CRLF3: variants seen among roughly 807,000 people sequenced by gnomAD.
The protein encoded by CRLF3 is cytokine receptor like factor 3, also known as cytokine receptor-like factor 3.
In CRLF3, 33 loss-of-function variants were observed where a neutral mutation model predicts 55.0. The observed-to-expected ratio is 0.60, with a 90% CI of 0.46 to 0.80. The LOEUF is 0.80. Ranked by LOEUF, CRLF3 falls within the 30% of genes least tolerant of loss-of-function variation. The pLI, the probability that CRLF3 is intolerant of heterozygous loss-of-function variation, is 0.00. For missense variants in CRLF3, 494 were observed against 538.4 expected, an observed-to-expected ratio of 0.92 and a Z score of 0.82; for synonymous variants, 238 against 196.8, an observed-to-expected ratio of 1.21 and a Z score of -1.75.
At chr17:30,791,544 G>T (rs565732421) in intron 6 of CRLF3, among the ~76,000 whole-genome samples, 7 of 143,034 alleles carry the variant, frequency 4.9e-5, no homozygotes, top group African/African-American at 1.8e-4. Context: ...TTGAAACGGA[G>T]TCTTGCTGTG....
chr17:30,804,338 T>C (rs1904326650), intron 1 of CRLF3, among the ~76,000 whole-genome samples: 1 of 152,226 alleles, frequency 6.6e-6, no homozygotes, highest in Non-Finnish European at 1.5e-5. Context: ...TGGTTACCTC[T>C]GTGTGTGGTG....
intron 4 of CRLF3, among the ~76,000 whole-genome samples, chr17:30,794,493 A>G (rs1185141697): frequency 1.3e-5 from 2 of 152,212 alleles, no homozygotes; most frequent in Non-Finnish European, 2.9e-5. Context: ...TAATATGGCA[A>G]ATACGATCTA....
chr17:30,807,018 T>TG (rs1359444365), intron 1 of CRLF3, among the ~76,000 whole-genome samples: 2 of 152,026 alleles, frequency 1.3e-5, no homozygotes, highest in African/African-American at 4.8e-5. Flanking sequence ...GAGGCCAAGG[T>TG]GGGAGGATCA....
In CRLF3 at chr17:30,784,378, C is replaced by T. The variant is rs760729327; in HGVS notation, c.1138G>A (p.Val380Ile). 7 of 1,613,862 alleles carry T rather than the reference C, an allele frequency of 4.3e-6. No homozygotes were observed. In the Admixed American group the frequency reaches 1.2e-4, roughly 27 times the overall value. ...QLPAVTSGST[V>I]TFDIEAVTLG... ...GTCACGGCTTCAATGTCAAACGTGA[C>T]AGTGGACCCAGAAGTAACTGCGGGT... The change falls in exon 8 of 8, where the codon GTC (valine) becomes ATC (isoleucine). Residue 380 changes from valine to isoleucine, a missense_variant. By Grantham distance (29) the Val-to-Ile change is conservative. Transcript: ENST00000324238.
At chr17:30,790,768 C>T (rs1971780786) in intron 6 of CRLF3, 1 of 151,828 alleles carries the variant, frequency 6.6e-6, no homozygotes, top group Non-Finnish European at 1.5e-5. Flanking sequence ...AGGCGCACCT[C>T]ACCACACCCA....
chr17:30,805,952 G>T (rs1432554236), intron 1 of CRLF3, among the ~76,000 whole-genome samples: 1 of 152,088 alleles, frequency 6.6e-6, no homozygotes, highest in African/African-American at 2.4e-5. Flanking sequence ...GAGCCCAGGG[G>T]GTCGAGACTG....
chr17:30,792,420 A>G lies in CRLF3; in HGVS notation c.959+20T>C. ...CACTCTGCTTCCTGAGGCAGGTGAG[A>G]TGTTTTAATATCTACTTGCCTGAAT... On this transcript the variant is annotated intron_variant, in intron 6 of 7. Transcript: ENST00000324238. 1 of 1,594,194 alleles carries G rather than the reference A, an allele frequency of 6.3e-7. No homozygotes were observed.
chr17:30,801,704 T>G (rs1383340503), intron 2 of CRLF3, among the ~76,000 whole-genome samples: 3 of 152,144 alleles, frequency 2.0e-5, no homozygotes, highest in African/African-American at 7.2e-5. Flanking sequence ...GTGCTGGGGT[T>G]ATAGGTGTTA....
chr17:30,810,028 C>A (rs186310510), intron 1 of CRLF3: 1 of 152,160 alleles, frequency 6.6e-6, no homozygotes, highest in African/African-American at 2.4e-5. Flanking sequence ...TGGTATAACA[C>A]GTAGTATTTC....
At chr17:30,799,753 C>G (rs565608343) in intron 2 of CRLF3, among the ~76,000 whole-genome samples, 2 of 152,252 alleles carry the variant, frequency 1.3e-5, no homozygotes, top group South Asian at 4.2e-4. Context: ...GATCCGCCCC[C>G]CTCGGCCTCC....
intron 1 of CRLF3, among the ~76,000 whole-genome samples, chr17:30,804,715 T>C (rs1282561200): frequency 6.6e-6 from 1 of 152,168 alleles, no homozygotes; most frequent in South Asian, 2.1e-4. Context: ...CTTCCATTCA[T>C]TGATAAACCA....
chr17:30,785,327 G>C (rs938752979), intron 7 of CRLF3, among the ~76,000 whole-genome samples: 2 of 151,776 alleles, frequency 1.3e-5, no homozygotes, highest in Admixed American at 1.3e-4. Flanking sequence ...TGCCCGCCTT[G>C]GCCTCCCAAA....
Position 30,797,367 on chromosome 17 carries a change from T to C in CRLF3, c.369A>G (p.Glu123=), listed in dbSNP as rs1277342073. ...TAAAGCTCCACAGTTTCTCATTCTCTTCTCCCACACCACCAAGCATGGCGA... is the reference window on the plus strand; with the variant it reads ...TAAAGCTCCACAGTTTCTCATTCTCCTCTCCCACACCACCAAGCATGGCGA... ...GEIAMLGGVG[E]ENEKLWSFTK... Residue 123 remains glutamate (E), a synonymous_variant, in exon 3 of 8, where the codon GAA becomes GAG. Transcript: ENST00000324238. The C allele has an allele frequency of 6.2e-7, 1 of 1,613,968 alleles. No individual in the cohort carries two copies.
At position 30,807,517 on chromosome 17, in the gene CRLF3, C is replaced by CTTTT. The variant is rs778842582; in HGVS notation, c.130-3413_130-3410dup. 7.3e-3 allele frequency among the ~76,000 whole-genome samples: 457 copies of CTTTT among 62,966 alleles called. 48 individuals carry two copies. Among genetic ancestry groups the CTTTT allele is most frequent in the African/African-American group, 0.019 (272 of 14,492 alleles). 41.3% of individuals were successfully genotyped at this position (62,966 alleles called of 152,430 possible). On this transcript the variant is annotated intron_variant, in intron 1 of 7. Coordinates refer to ENST00000324238, the MANE Select transcript of CRLF3 (RefSeq NM_015986.4). Reference sequence around the variant, plus strand: ...CAGACCATAGAAACAATTTTCTTTCCTTTTTTTTTTTTTTTTTTTTTTTTT... The same window carrying CTTTT: ...CAGACCATAGAAACAATTTTCTTTCCTTTTTTTTTTTTTTTTTTTTTTTTTTTTT...
At chr17:30,808,815 G>A (rs565681978) in intron 1 of CRLF3, among the ~76,000 whole-genome samples, 2 of 151,310 alleles carry the variant, frequency 1.3e-5, no homozygotes, top group African/African-American at 2.4e-5. Flanking sequence ...GGCTGGTCGC[G>A]AACTCCTGAC....
chr17:30,816,843 T>G (rs1904821606), intron 1 of CRLF3, among the ~76,000 whole-genome samples: 1 of 152,098 alleles, frequency 6.6e-6, no homozygotes, highest in Non-Finnish European at 1.5e-5. Context: ...ATCTACAGTA[T>G]TCAGTATAGT....
intron 1 of CRLF3, among the ~76,000 whole-genome samples, chr17:30,821,741 C>A (rs1905003188): frequency 6.6e-6 from 1 of 152,060 alleles, no homozygotes. Flanking sequence ...TCCATAGAGA[C>A]AAAGTAGTTT....
chr17:30,788,861 C>T (rs1971716360), intron 6 of CRLF3, among the ~76,000 whole-genome samples: 1 of 152,054 alleles, frequency 6.6e-6, no homozygotes, highest in African/African-American at 2.4e-5. Context: ...CCACCTCAGC[C>T]TCCCAAAGTG....
intron 4 of CRLF3, among the ~76,000 whole-genome samples, chr17:30,794,006 T>G (rs546769976): frequency 3.4e-4 from 51 of 152,198 alleles, no homozygotes; most frequent in African/African-American, 1.2e-3. Context: ...GTCCGGCTAA[T>G]TTTTTGTATT....
Sources: gnomAD v4.1 joint callset for allele counts (sites outside exome capture counted in the v4.1 genomes callset) on GRCh38, gnomAD v4.1.1 for gene constraint, MANE v1.5 for transcripts, NCBI Gene and HGNC (gene_info 2026-07-23, HGNC 2026-07-21) for gene names.